LAMA2: variants seen among roughly 807,000 people sequenced by gnomAD.
The protein encoded by LAMA2 is laminin subunit alpha 2.
In LAMA2, 269 loss-of-function variants were observed where a neutral mutation model predicts 364.8. The ratio of observed to expected loss-of-function variants is 0.74; its 90% CI spans 0.67 to 0.82. The LOEUF is 0.82. LAMA2 is among the 40% of genes least tolerant of loss of function. The pLI is 0.00. For synonymous variants in LAMA2, 1,379 were observed against 1,370.6 expected (o/e 1.01, Z -0.14); for missense variants, 3,807 against 3,873.2 (o/e 0.98, Z 0.45).
intron 3 of LAMA2, among the ~76,000 whole-genome samples, chr6:129,066,423 G>A (rs1789358432): frequency 6.6e-6 from 1 of 152,166 alleles, no homozygotes; most frequent in African/African-American, 2.4e-5. Flanking sequence ...CTGTAAAACA[G>A]TGATGAAATA....
At chr6:129,138,141 A>T (rs189531317) in intron 4 of LAMA2, among the ~76,000 whole-genome samples, 1 of 152,216 alleles carries the variant, frequency 6.6e-6, no homozygotes, top group African/African-American at 2.4e-5. Flanking sequence ...GTGACCATCT[A>T]GTAGATATCC....
intron 35 of LAMA2, among the ~76,000 whole-genome samples, chr6:129,384,541 C>T (rs1427844862): frequency 6.6e-6 from 1 of 152,174 alleles, no homozygotes; most frequent in Non-Finnish European, 1.5e-5. Flanking sequence ...TTACTTTGTT[C>T]TCTGCAATGA....
rs776231775 is a variant in LAMA2, at chr6:129,383,172, G to C, written c.5010G>C (p.Arg1670Ser). 8.1e-6 allele frequency: 13 copies of C among 1,613,778 alleles called. No individual in the cohort carries two copies. Among genetic ancestry groups the C allele is most frequent in the African/African-American group, 1.3e-5 (1 of 74,908 alleles). The change falls in exon 35 of 65, where the codon AGG (arginine) becomes AGC (serine). Residue 1670 changes from arginine (R) to serine (S), a missense_variant. By Grantham distance (110) the Arg-to-Ser change is moderately radical. Transcript: ENST00000421865. ...AGCAGACCGGACAGGATGCTGAGAG[G>C]ACCAACACAAGAGCAAAGTCCCTGG... ...DGEQTGQDAERTNTRAKSLGE... is the reference protein window; with the variant it reads ...DGEQTGQDAESTNTRAKSLGE...
chr6:129,332,316 A>G (rs1026180849), intron 29 of LAMA2, among the ~76,000 whole-genome samples: 7 of 152,184 alleles, frequency 4.6e-5, no homozygotes, highest in Non-Finnish European at 8.8e-5. Context: ...TATTTCATCC[A>G]TATTAAGATA....
chr6:128,978,444 A>G (rs567849075), intron 1 of LAMA2, among the ~76,000 whole-genome samples: 1 of 149,692 alleles, frequency 6.7e-6, no homozygotes, highest in East Asian at 2.0e-4. Context: ...CAGCCTCCTG[A>G]GTAGCTGGGA....
chr6:129,505,488 C>T (rs1231000278), intron 61 of LAMA2, 133 bp downstream of exon 61: 1 of 723,806 alleles, frequency 1.4e-6, no homozygotes, highest in Non-Finnish European at 2.4e-6. Context: ...TGATAAGGGA[C>T]AGAAGGGTTT....
chr6:129,082,980 T>A (rs1214579391), intron 3 of LAMA2, among the ~76,000 whole-genome samples: 1 of 152,108 alleles, frequency 6.6e-6, no homozygotes, highest in East Asian at 1.9e-4. Context: ...ATATTTTTTC[T>A]ATAAAGTTTT....
intron 12 of LAMA2, among the ~76,000 whole-genome samples, chr6:129,193,072 C>G (rs1470075778): frequency 6.6e-6 from 1 of 152,112 alleles, no homozygotes; most frequent in African/African-American, 2.4e-5. Flanking sequence ...AGCTGATGTT[C>G]TATGTAAACT....
chr6:129,434,625 T>C (rs1204001662), intron 41 of LAMA2, among the ~76,000 whole-genome samples: 1 of 152,238 alleles, frequency 6.6e-6, no homozygotes. Context: ...TCGATAATTC[T>C]ATGTCTTCAC....
At chr6:128,963,534 T>C (rs1781662532) in intron 1 of LAMA2, among the ~76,000 whole-genome samples, 1 of 152,136 alleles carries the variant, frequency 6.6e-6, no homozygotes, top group Non-Finnish European at 1.5e-5. Context: ...CAGAGTTGTT[T>C]ACTGTTGTAA....
rs565626734 is a variant in LAMA2 at position 129,489,246 on chromosome 6, G to A, written c.7898+2624G>A. ...TGGACAAAATGATAGCTTTAATACC[G>A]CCTCACAAAATAATTGGATTTTCAC... On this transcript the variant is annotated intron_variant, in intron 56 of 64. Transcript: ENST00000421865. Among the ~76,000 whole-genome samples the A allele has an allele frequency of 4.6e-5, 7 of 152,014 alleles. No homozygotes were observed. In the East Asian group the frequency reaches 5.8e-4, roughly 13 times the overall value.
At chr6:128,961,363 ATATATT>A (rs1357493519) in intron 1 of LAMA2, among the ~76,000 whole-genome samples, 24 of 92,576 alleles carry the variant, frequency 2.6e-4, no homozygotes, top group Non-Finnish European at 3.9e-4. Context: ...ATATATATAT[ATATATT>A]AGTTTATTAA....
chr6:129,437,136 A>G (rs1405537416), intron 41 of LAMA2, among the ~76,000 whole-genome samples: 1 of 152,076 alleles, frequency 6.6e-6, no homozygotes, highest in African/African-American at 2.4e-5. Flanking sequence ...CCTAGTTTTG[A>G]CTATCAATCC....
At chr6:129,007,912 C>G (rs1208673352) in intron 1 of LAMA2, among the ~76,000 whole-genome samples, 2 of 152,204 alleles carry the variant, frequency 1.3e-5, no homozygotes, top group Non-Finnish European at 2.9e-5. Context: ...GCGTTTCATG[C>G]AACCTGCTAT....
chr6:129,516,044 A>G (rs1787042168), intron 64 of LAMA2, 146 bp from the exon 65 acceptor site: 21 of 938,064 alleles, frequency 2.2e-5, no homozygotes, highest in Admixed American at 3.4e-5. Context: ...CTACAATTCT[A>G]TTAGTAAGGC....
intron 56 of LAMA2, among the ~76,000 whole-genome samples, chr6:129,490,162 A>G (rs964190639): frequency 6.6e-6 from 1 of 152,218 alleles, no homozygotes; most frequent in Non-Finnish European, 1.5e-5. Context: ...ATTTAGCTGT[A>G]GTTTTCTAGC....
chr6:128,883,312 C>T lies in LAMA2; in HGVS notation c.67C>T (p.Gln23Ter). 1 of 1,596,106 alleles carries T rather than the reference C, an allele frequency of 6.3e-7. No individual in the cohort carries two copies. The highest frequency in any genetic ancestry group is 8.5e-7 in the Non-Finnish European group (1 of 1,171,770). ...CGGAGGCCTCGGGGGCGTACAGGCG[C>T]AGCGGCCGCAGCAGCAGCGGCAGTC... ...LSGGLGGVQA[Q>*]RPQQQRQSQA... The change falls in exon 1 of 65, where the codon CAG becomes TAG. Residue 23 changes from glutamine (Q) to a stop codon, truncating the protein, a stop_gained. Transcript: ENST00000421865. LOFTEE classifies it high-confidence loss of function.
intron 12 of LAMA2, among the ~76,000 whole-genome samples, chr6:129,202,375 G>A (rs1782360585): frequency 1.3e-5 from 2 of 151,980 alleles, no homozygotes; most frequent in African/African-American, 4.8e-5. Flanking sequence ...TTTTGGGGGA[G>A]TGATTAAGTC....
chr6:129,318,957 G>A (rs1774783801), intron 27 of LAMA2, among the ~76,000 whole-genome samples: 1 of 152,034 alleles, frequency 6.6e-6, no homozygotes, highest in Non-Finnish European at 1.5e-5. Flanking sequence ...AATAGTCCCA[G>A]TTTATGGACT....
Sources: allele counts gnomAD v4.1 joint callset (sites outside exome capture counted in the v4.1 genomes callset), GRCh38; gene constraint gnomAD v4.1.1; transcripts MANE v1.5; gene names NCBI Gene and HGNC (gene_info 2026-07-23, HGNC 2026-07-21).